Variants in DDX42 observed in about 807,000 individuals in gnomAD.
The protein encoded by DDX42 is ATP-dependent RNA helicase DDX42.
Under a neutral mutation model 101.5 loss-of-function variants are expected in DDX42, and 22 were observed. That is an observed-to-expected ratio of 0.22 (90% confidence interval 0.15 to 0.31). The LOEUF (loss-of-function observed/expected upper bound fraction) is 0.31, where lower values mean the gene tolerates loss of function less well. DDX42 is among the 10% of genes least tolerant of loss of function. DDX42 has a pLI of 1.00. For synonymous variants in DDX42, 402 were observed against 401.2 expected (o/e 1.00, Z -0.02); for missense variants, 849 against 1,199.9 (o/e 0.71, Z 4.32).
intron 1 of DDX42, among the ~76,000 whole-genome samples, chr17:63,778,726 C>T (rs997005477): frequency 2.0e-5 from 3 of 151,912 alleles, no homozygotes; most frequent in Admixed American, 6.6e-5. Context: ...CTGCAGCCTC[C>T]GTGTCCTGGG....
chr17:63,810,854 A>G (rs191290357), intron 12 of DDX42, among the ~76,000 whole-genome samples: 2 of 152,358 alleles, frequency 1.3e-5, no homozygotes, highest in East Asian at 3.8e-4. Context: ...TTTGAAATCA[A>G]GAGTCTTTTT....
At chr17:63,785,138 C>T (rs966908768) in intron 1 of DDX42, among the ~76,000 whole-genome samples, 37 of 152,186 alleles carry the variant, frequency 2.4e-4, no homozygotes, top group African/African-American at 8.7e-4. Flanking sequence ...TTGCTTTCTG[C>T]TTTTCTGTAA....
At chr17:63,779,879 T>C (rs2039465511) in intron 1 of DDX42, among the ~76,000 whole-genome samples, 1 of 152,220 alleles carries the variant, frequency 6.6e-6, no homozygotes, top group African/African-American at 2.4e-5. Context: ...CATCTGCCTC[T>C]TTTATTTTTT....
At chr17:63,782,934 A>G (rs2039505750) in intron 1 of DDX42, among the ~76,000 whole-genome samples, 1 of 151,768 alleles carries the variant, frequency 6.6e-6, no homozygotes, top group Non-Finnish European at 1.5e-5. Context: ...GTGTCCTGCA[A>G]ATTTCCCAAA....
In DDX42 at chr17:63,806,560, C is replaced by T; in HGVS notation, c.752C>T (p.Pro251Leu). Residue 251 changes from proline to leucine, a missense_variant, in exon 8 of 18, where the codon CCA (proline) becomes CTA (leucine). By Grantham distance (98) the Pro-to-Leu change is moderately conservative. Coordinates refer to ENST00000389924, the MANE Select transcript of DDX42 (RefSeq NM_203499.3). ...LRVSGAAPPR[P>L]GSSFAHFGFD... ...GTCTCTGGTGCTGCACCTCCTAGAC[C>T]AGGAAGTAGCTTTGCTCATTTTGGG... 2 of 1,613,082 alleles carry T rather than the reference C, an allele frequency of 1.2e-6. No individual in the cohort carries two copies. The highest frequency in any genetic ancestry group is 8.5e-7 in the Non-Finnish European group (1 of 1,179,616).
chr17:63,784,067 A>G (rs1019907838), intron 1 of DDX42, among the ~76,000 whole-genome samples: 1 of 151,992 alleles, frequency 6.6e-6, no homozygotes, highest in Non-Finnish European at 1.5e-5. Context: ...CTGTCTCCCA[A>G]AAAAACAAAC....
intron 15 of DDX42, 39 bp from the exon 16 acceptor site, chr17:63,815,524 T>G: frequency 6.8e-7 from 1 of 1,466,310 alleles, no homozygotes; most frequent in Non-Finnish European, 9.5e-7. Context: ...TGTTCTTTTC[T>G]CCCTCCCTTG....
At chr17:63,817,617 C>T in intron 17 of DDX42, 77 bp from the exon 18 acceptor site, 1 of 1,422,064 alleles carries the variant, frequency 7.0e-7, no homozygotes, top group Non-Finnish European at 9.7e-7. Context: ...CTGTAAACCT[C>T]ATCATTTGCC....
chr17:63,817,853 A>G lies in DDX42; in HGVS notation c.2272A>G (p.Ser758Gly). 6.2e-7 allele frequency: 1 copy of G among 1,614,232 alleles called. No individual in the cohort carries two copies. The highest frequency in any genetic ancestry group is 8.5e-7 in the Non-Finnish European group (1 of 1,180,038). The change falls in exon 18 of 18, where the codon AGT becomes GGT. Residue 758 changes from serine to glycine, a missense_variant. By Grantham distance (56) the Ser-to-Gly change is moderately conservative (BLOSUM62 0). Coordinates refer to ENST00000389924, the MANE Select transcript of DDX42 (RefSeq NM_203499.3). ...GHNSPDSPVT[S>G]AAKGIPGFGN... is the part of the protein sequence containing the mutation. ...TAACAGTCCTGACAGCCCCGTCACCAGTGCCGCCAAGGGCATCCCAGGCTT... is the reference window on the plus strand; with the variant it reads ...TAACAGTCCTGACAGCCCCGTCACCGGTGCCGCCAAGGGCATCCCAGGCTT...
chr17:63,802,283 T>C (rs1370430584), intron 6 of DDX42, among the ~76,000 whole-genome samples: 1 of 152,220 alleles, frequency 6.6e-6, no homozygotes, highest in Non-Finnish European at 1.5e-5. Context: ...TTCTGTGTGA[T>C]AAAATGGGAA....
chr17:63,778,540 A>G (rs975616976), intron 1 of DDX42, among the ~76,000 whole-genome samples: 1 of 152,140 alleles, frequency 6.6e-6, no homozygotes, highest in Non-Finnish European at 1.5e-5. Context: ...TGATTCCATT[A>G]CTGTATCCTT....
At chr17:63,793,042 A>G (rs2039648165) in intron 3 of DDX42, among the ~76,000 whole-genome samples, 1 of 151,898 alleles carries the variant, frequency 6.6e-6, no homozygotes, top group African/African-American at 2.4e-5. Flanking sequence ...GGCTTTTGTG[A>G]TTTTGTGTTA....
chr17:63,794,295 G>T lies in DDX42; in HGVS notation c.372+1733G>T, dbSNP rs549282265. On this transcript the variant is annotated intron_variant, in intron 3 of 17. Coordinates refer to ENST00000389924, the MANE Select transcript of DDX42 (RefSeq NM_203499.3). ...ATGGTGGCTCATACCTATAATCCCA[G>T]CATTTCGGGAGGCTGAGGCAGGAGG... Among the ~76,000 whole-genome samples the T allele has an allele frequency of 5.5e-4, 83 of 152,208 alleles. 1 individual carries two copies. The highest frequency in any genetic ancestry group is 2.0e-3 in the African/African-American group (82 of 41,526).
At chr17:63,776,590 C>T (rs2039423791) in intron 1 of DDX42, among the ~76,000 whole-genome samples, 2 of 150,708 alleles carry the variant, frequency 1.3e-5, no homozygotes, top group African/African-American at 4.9e-5. Context: ...TGTGTATGAA[C>T]TTAATTTTTC....
intron 16 of DDX42, 142 bp downstream of exon 16, chr17:63,815,815 G>A: frequency 2.1e-6 from 1 of 481,158 alleles, no homozygotes; most frequent in East Asian, 3.5e-5. Context: ...TCTGATTTGA[G>A]TCAATGCAGT....
chr17:63,784,041 G>A (rs1385229729), intron 1 of DDX42, among the ~76,000 whole-genome samples: 2 of 152,038 alleles, frequency 1.3e-5, no homozygotes, highest in African/African-American at 4.8e-5. Context: ...TCCAGCCTGG[G>A]AGGCAGAGTG....
In DDX42 at chr17:63,785,252, T is replaced by G. The variant is rs540138570; in HGVS notation, c.-16-1782T>G. Among the ~76,000 whole-genome samples the G allele has an allele frequency of 3.4e-5, 5 of 149,048 alleles. No individual in the cohort carries two copies. The South Asian group carries it at 8.6e-4, about 26-fold the overall frequency. On this transcript the variant is annotated intron_variant, in intron 1 of 17. Coordinates refer to ENST00000389924, the MANE Select transcript of DDX42 (RefSeq NM_203499.3). ...GGGAGGCTGAGGTGGGTGGATCACT[T>G]GAGGCCAGGAGTTCCAGACCAGCCC...
intron 14 of DDX42, 63 bp from the exon 15 acceptor site, chr17:63,813,165 T>A: frequency 6.9e-7 from 1 of 1,457,756 alleles, no homozygotes; most frequent in Non-Finnish European, 9.3e-7. Context: ...CTAGCATTTC[T>A]GGTTACTTTG....
chr17:63,812,271 CATAAGACCT>C (rs1476457534), intron 14 of DDX42, 63 bp downstream of exon 14: 1 of 1,534,316 alleles, frequency 6.5e-7, no homozygotes, highest in Non-Finnish European at 8.8e-7. Context: ...TGTCTTACTA[CATAAGACCT>C]ATAATATCTG....
Sources: gnomAD v4.1 joint callset for allele counts (sites outside exome capture counted in the v4.1 genomes callset) on GRCh38, gnomAD v4.1.1 for gene constraint, MANE v1.5 for transcripts, NCBI Gene and HGNC (gene_info 2026-07-23, HGNC 2026-07-21) for gene names.